Variants in CPS1 observed in about 807,000 individuals in gnomAD.
The protein encoded by CPS1 is carbamoyl-phosphate synthase [ammonia], mitochondrial.
Under a neutral mutation model 174.6 loss-of-function variants are expected in CPS1, and 109 were observed. The ratio of observed to expected loss-of-function variants is 0.62; its 90% CI spans 0.53 to 0.73. CPS1 has a LOEUF of 0.73. Ranked by LOEUF, CPS1 falls within the 30% of genes least tolerant of loss-of-function variation. The pLI is 0.00. For synonymous variants in CPS1, 637 were observed against 632.0 expected (o/e 1.01, Z -0.12); for missense variants, 1,689 against 1,821.9 (o/e 0.93, Z 1.33).
intron 14 of CPS1, among the ~76,000 whole-genome samples, chr2:210,600,093 G>C (rs1408280846): frequency 6.6e-6 from 1 of 151,084 alleles, no homozygotes; most frequent in Admixed American, 6.6e-5. Context: ...GTAAGCAATT[G>C]GTGATATAAC....
chr2:210,570,502 C>G (rs1697439696), intron 1 of CPS1, among the ~76,000 whole-genome samples: 1 of 151,730 alleles, frequency 6.6e-6, no homozygotes, highest in Non-Finnish European at 1.5e-5. Flanking sequence ...TTGAAATTCT[C>G]AGATGAGAAA....
At chr2:210,495,293 A>G (rs1694964043) in intron 1 of CPS1, among the ~76,000 whole-genome samples, 1 of 152,126 alleles carries the variant, frequency 6.6e-6, no homozygotes, top group South Asian at 2.1e-4. Flanking sequence ...ATGTCCCATC[A>G]CCCCATCAAC....
intron 33 of CPS1, among the ~76,000 whole-genome samples, chr2:210,664,708 A>G (rs1427836916): frequency 6.6e-6 from 1 of 152,200 alleles, no homozygotes; most frequent in Non-Finnish European, 1.5e-5. Context: ...AAATATAAAA[A>G]TAAGAAAGAA....
At chr2:210,479,376 T>C (rs1476423435) in intron 1 of CPS1, among the ~76,000 whole-genome samples, 1 of 150,746 alleles carries the variant, frequency 6.6e-6, no homozygotes, top group Non-Finnish European at 1.5e-5. Context: ...GTTGCCAGGC[T>C]GGAGTGCAGT....
At chr2:210,609,755 T>A (rs948199718) in intron 19 of CPS1, among the ~76,000 whole-genome samples, 1 of 151,920 alleles carries the variant, frequency 6.6e-6, no homozygotes, top group Non-Finnish European at 1.5e-5. Flanking sequence ...TCCATATTGT[T>A]CTTTATTTGT....
chr2:210,489,831 T>C (rs1041743604), intron 1 of CPS1, among the ~76,000 whole-genome samples: 10 of 151,874 alleles, frequency 6.6e-5, no homozygotes, highest in Non-Finnish European at 1.5e-4. Context: ...ACCCCGTCTC[T>C]ACTGAAAATA....
intron 1 of CPS1, among the ~76,000 whole-genome samples, chr2:210,481,002 G>A (rs1404265783): frequency 6.6e-6 from 1 of 152,250 alleles, no homozygotes; most frequent in African/African-American, 2.4e-5. Flanking sequence ...CCTGGAGACA[G>A]TATTTCTTAT....
intron 33 of CPS1, among the ~76,000 whole-genome samples, chr2:210,664,849 C>T (rs1277058832): frequency 6.6e-6 from 1 of 152,126 alleles, no homozygotes; most frequent in East Asian, 1.9e-4. Flanking sequence ...TTATTACTGA[C>T]ATCAGAATTC....
Position 210,678,258 on chromosome 2 carries a change from A to C in CPS1, c.*273A>C. The C allele has an allele frequency of 2.1e-6, 1 of 481,720 alleles. No individual in the cohort carries two copies. The highest frequency in any genetic ancestry group is 2.1e-5 in the South Asian group (1 of 48,232). 29.8% of individuals were successfully genotyped at this position (481,720 alleles called of 1,614,324 possible). A position where few individuals can be genotyped will look rare whatever the true frequency, so the allele number is the denominator to read the frequency against. On this transcript the variant is annotated 3_prime_UTR_variant, in exon 38 of 38. Coordinates refer to ENST00000233072, the MANE Select transcript of CPS1 (RefSeq NM_001875.5). The stretch of plus-strand genomic sequence containing the variant: ...TAGGCTTGCCTATGTGCTTATGTGT[A>C]GCTTTTTACTTTTTATGGTGCTGAT...
Position 210,491,644 on chromosome 2 carries a change from C to T in CPS1, c.3+13878C>T, listed in dbSNP as rs190509334. ...GTTTTTTTCCTGGTGTTCTGAGTGT[C>T]CTGTGGCAATGGGAAGTTACCATCT... On this transcript the variant is annotated intron_variant, in intron 1 of 38. Coordinates refer to the CPS1 transcript ENST00000430249. 7.2e-5 allele frequency among the ~76,000 whole-genome samples: 11 copies of T among 152,110 alleles called. No homozygotes were observed. The East Asian group carries it at 2.1e-3, about 29-fold the overall frequency.
intron 20 of CPS1, among the ~76,000 whole-genome samples, chr2:210,616,011 C>G (rs549327682): frequency 3.3e-4 from 50 of 152,150 alleles, no homozygotes; most frequent in South Asian, 1.4e-3. Flanking sequence ...AGATAACTAT[C>G]AACACTACAA....
intron 21 of CPS1, among the ~76,000 whole-genome samples, chr2:210,623,522 C>G (rs567848479): frequency 6.6e-6 from 1 of 152,066 alleles, no homozygotes; most frequent in South Asian, 2.1e-4. Context: ...GTAAAGTGCA[C>G]TTTTCAAGGG....
intron 1 of CPS1, among the ~76,000 whole-genome samples, chr2:210,486,739 A>T (rs895773788): frequency 6.6e-6 from 1 of 152,122 alleles, no homozygotes; most frequent in Non-Finnish European, 1.5e-5. Flanking sequence ...CGAACTCTTG[A>T]CCTCAGGTGA....
At position 210,512,734 on chromosome 2, in the gene CPS1, TTTTATATATATATATATATA is replaced by T. The variant is rs1330396132; in HGVS notation, c.3+34970_3+34989del. Reference sequence around the variant, plus strand: ...TGGATACATACATATCCTCCAGTAGTTTTATATATATATATATATATATATATATATATATATATATATAT... The same window carrying T: ...TGGATACATACATATCCTCCAGTAGTTATATATATATATATATATATATAT... On this transcript the variant is annotated intron_variant, in intron 1 of 38. Transcript: ENST00000430249. Among the ~76,000 whole-genome samples the T allele has an allele frequency of 5.9e-5, 4 of 68,230 alleles. 1 individual carries two copies. The highest frequency in any genetic ancestry group is 1.9e-4 in the African/African-American group (4 of 20,770). The allele number at this position is 68,230 out of a possible 152,430, so 44.8% of individuals were successfully genotyped here.
intron 1 of CPS1, among the ~76,000 whole-genome samples, chr2:210,523,159 T>A (rs963727998): frequency 6.6e-6 from 1 of 152,010 alleles, no homozygotes; most frequent in Non-Finnish European, 1.5e-5. Flanking sequence ...AAGCATGGGC[T>A]ATGTAATGTG....
intron 1 of CPS1, among the ~76,000 whole-genome samples, chr2:210,486,149 CA>C (rs1197568820): frequency 0.017 from 2,255 of 135,360 alleles, 57 homozygotes; most frequent in African/African-American, 0.06. Context: ...CACACACACA[CA>C]CACACACACC....
At position 210,507,957 on chromosome 2, in the gene CPS1, T is replaced by C. The variant is rs1259306794; in HGVS notation, c.3+30191T>C. On this transcript the variant is annotated intron_variant, in intron 1 of 38. Coordinates refer to the CPS1 transcript ENST00000430249. ...GACTTTAACACCCCACTGTCAACAT[T>C]AGACAGATCAACGAGACAGAAAGTT... is the stretch of plus-strand genomic sequence containing the variant. Among the ~76,000 whole-genome samples, 3 of 151,658 alleles carry C rather than the reference T, an allele frequency of 2.0e-5. No individual in the cohort carries two copies. The East Asian group carries it at 5.8e-4, about 29-fold the overall frequency.
chr2:210,675,247 T>G (rs544600932), intron 35 of CPS1, among the ~76,000 whole-genome samples: 120 of 152,270 alleles, frequency 7.9e-4, no homozygotes, highest in African/African-American at 2.7e-3. Flanking sequence ...TGTTTTTCCT[T>G]TTTTTGTTTT....
chr2:210,605,232 T>C lies in CPS1; in HGVS notation c.1967T>C (p.Met656Thr), dbSNP rs1284370990. The C allele has an allele frequency of 2.5e-6, 4 of 1,611,982 alleles. No homozygotes were observed. Among genetic ancestry groups the C allele is most frequent in the Non-Finnish European group, 2.5e-6 (3 of 1,178,684 alleles). ...TGTAACATGGAAAATGTTGATGCCA[T>C]GGGTGTTCACACAGGTAGGCAAAGT... ...TVCNMENVDAMGVHTGDSVVV... is the reference protein window; with the variant it reads ...TVCNMENVDATGVHTGDSVVV... The change falls in exon 17 of 38, where the codon ATG becomes ACG. Residue 656 changes from methionine to threonine, a missense_variant. Met to Thr is a moderately conservative substitution (Grantham distance 81). Transcript: ENST00000233072.
Sources: gnomAD v4.1 joint callset for allele counts (sites outside exome capture counted in the v4.1 genomes callset) on GRCh38, gnomAD v4.1.1 for gene constraint, MANE v1.5 for transcripts, NCBI Gene and HGNC (gene_info 2026-07-23, HGNC 2026-07-21) for gene names.